GRID2: variants seen among roughly 807,000 people sequenced by gnomAD.
The protein encoded by GRID2 is glutamate ionotropic receptor delta type subunit 2.
In GRID2, 33 loss-of-function variants were observed where a neutral mutation model predicts 114.8. That is an observed-to-expected ratio of 0.29 (90% CI 0.22 to 0.38). The LOEUF is 0.38. Ranked by LOEUF, GRID2 falls within the 10% of genes least tolerant of loss-of-function variation. The pLI, the probability that GRID2 is intolerant of heterozygous loss-of-function variation, is 1.00. For synonymous variants in GRID2, 505 were observed against 449.9 expected (o/e 1.12, Z -1.55); for missense variants, 1,184 against 1,257.7 (o/e 0.94, Z 0.89).
chr4:93,450,245 C>T (rs1404204851), intron 10 of GRID2, among the ~76,000 whole-genome samples: 2 of 151,746 alleles, frequency 1.3e-5, no homozygotes, highest in Admixed American at 6.6e-5. Context: ...AGATTGATAA[C>T]ATAATGTATG....
chr4:93,616,184 A>T (rs1741621367), intron 13 of GRID2, among the ~76,000 whole-genome samples: 1 of 152,304 alleles, frequency 6.6e-6, no homozygotes, highest in Middle Eastern at 3.4e-3. Context: ...ACAGGTAAGC[A>T]ATGTTGTACA....
At chr4:93,699,518 T>C (rs1169885151) in intron 14 of GRID2, among the ~76,000 whole-genome samples, 1 of 152,120 alleles carries the variant, frequency 6.6e-6, no homozygotes, top group Non-Finnish European at 1.5e-5. Flanking sequence ...TTAATATCTA[T>C]ATTTTGCAAA....
rs1252622345 is a variant in GRID2, at chr4:93,440,217, T to C, written c.1546-15445T>C. On this transcript the variant is annotated intron_variant, in intron 10 of 15. Transcript: ENST00000282020. ...CATTACTGCAAACCAGCCTTGAAAA[T>C]ATATGTATGGGCCAAGAAAACTTTG... 4.6e-5 allele frequency among the ~76,000 whole-genome samples: 7 copies of C among 151,728 alleles called. No individual in the cohort carries two copies. The East Asian group carries it at 1.4e-3, about 30-fold the overall frequency.
At chr4:93,463,967 C>T (rs1015750320) in intron 11 of GRID2, among the ~76,000 whole-genome samples, 43 of 151,866 alleles carry the variant, frequency 2.8e-4, no homozygotes, top group East Asian at 9.7e-4. Flanking sequence ...CCAGCCTGGG[C>T]GACACAGCAA....
chr4:93,482,046 T>A (rs1255376451), intron 11 of GRID2, among the ~76,000 whole-genome samples: 2 of 152,024 alleles, frequency 1.3e-5, no homozygotes, highest in African/African-American at 4.8e-5. Flanking sequence ...TAAAATACAT[T>A]TAATGTAAAT....
At chr4:92,842,966 T>C (rs1343165443) in intron 2 of GRID2, among the ~76,000 whole-genome samples, 2 of 152,128 alleles carry the variant, frequency 1.3e-5, no homozygotes, top group Non-Finnish European at 2.9e-5. Flanking sequence ...AAGCCAGGCA[T>C]GGTGTTTTAC....
chr4:92,375,661 T>C (rs1044269947), intron 1 of GRID2, among the ~76,000 whole-genome samples: 7 of 152,158 alleles, frequency 4.6e-5, no homozygotes, highest in African/African-American at 1.7e-4. Context: ...TTTAGCTACA[T>C]TGGAGATGTT....
chr4:93,319,321 T>A (rs1189922134), intron 8 of GRID2, among the ~76,000 whole-genome samples: 1 of 152,258 alleles, frequency 6.6e-6, no homozygotes, highest in South Asian at 2.1e-4. Context: ...TAGAGACTAC[T>A]CTTACGTTTT....
At chr4:93,456,060 A>G in intron 11 of GRID2, 86 bp downstream of exon 11, 2 of 775,546 alleles carry the variant, frequency 2.6e-6, no homozygotes, top group East Asian at 2.5e-5. Flanking sequence ...AAGGTTCTGT[A>G]TCTGACATCA....
intron 2 of GRID2, among the ~76,000 whole-genome samples, chr4:92,851,518 T>G (rs561609117): frequency 6.6e-6 from 1 of 151,946 alleles, no homozygotes; most frequent in Non-Finnish European, 1.5e-5. Flanking sequence ...TTGAATAGTT[T>G]TTCCTTCTTC....
At chr4:93,692,852 C>T (rs916898098) in intron 14 of GRID2, among the ~76,000 whole-genome samples, 2 of 152,152 alleles carry the variant, frequency 1.3e-5, no homozygotes, top group African/African-American at 4.8e-5. Context: ...TCCTCATTCA[C>T]TACACGACAG....
intron 4 of GRID2, among the ~76,000 whole-genome samples, chr4:93,142,295 A>C (rs184411160): frequency 1.3e-5 from 2 of 152,332 alleles, no homozygotes; most frequent in East Asian, 3.9e-4. Flanking sequence ...CTGGGCTGCT[A>C]TCATGAAGTG....
chr4:92,826,761 T>C (rs1169833776), intron 2 of GRID2, among the ~76,000 whole-genome samples: 1 of 152,144 alleles, frequency 6.6e-6, no homozygotes, highest in African/African-American at 2.4e-5. Context: ...TATATTGATT[T>C]GCAAATCAGC....
intron 2 of GRID2, among the ~76,000 whole-genome samples, chr4:92,820,460 A>G (rs1382957775): frequency 1.3e-5 from 2 of 152,142 alleles, no homozygotes; most frequent in Admixed American, 6.6e-5. Context: ...TAACTCTACC[A>G]AAGTCAGAAT....
chr4:93,730,064 T>C (rs1730340483), intron 14 of GRID2, among the ~76,000 whole-genome samples: 1 of 152,144 alleles, frequency 6.6e-6, no homozygotes. Context: ...CATGAATACA[T>C]AAATAAGTTG....
chr4:92,659,229 T>C (rs998093363), intron 2 of GRID2, among the ~76,000 whole-genome samples: 1 of 151,738 alleles, frequency 6.6e-6, no homozygotes, highest in African/African-American at 2.4e-5. Context: ...TCAAAGCCAC[T>C]ATGCTAAAGT....
At chr4:92,595,282 A>G (rs1216299154) in intron 2 of GRID2, among the ~76,000 whole-genome samples, 5 of 151,948 alleles carry the variant, frequency 3.3e-5, no homozygotes, top group Non-Finnish European at 7.4e-5. Flanking sequence ...AGGTTTTTGA[A>G]AAAATGTCCA....
intron 13 of GRID2, among the ~76,000 whole-genome samples, chr4:93,592,600 C>G (rs1442728034): frequency 6.6e-6 from 1 of 152,022 alleles, no homozygotes; most frequent in South Asian, 2.1e-4. Flanking sequence ...GAGTTCAATT[C>G]CTCGGTATCC....
intron 2 of GRID2, among the ~76,000 whole-genome samples, chr4:92,627,681 G>A (rs1013603263): frequency 1.2e-4 from 18 of 152,134 alleles, no homozygotes; most frequent in African/African-American, 4.3e-4. Context: ...CTTCTGATAT[G>A]TTTTCTACTG....
Sources: allele counts gnomAD v4.1 joint callset (sites outside exome capture counted in the v4.1 genomes callset), GRCh38; gene constraint gnomAD v4.1.1; transcripts MANE v1.5; gene names NCBI Gene and HGNC (gene_info 2026-07-23, HGNC 2026-07-21).